PIGS: variants seen among roughly 807,000 people sequenced by gnomAD.
PIGS encodes phosphatidylinositol glycan anchor biosynthesis class S.
PIGS carries 37 observed loss-of-function variants against 58.2 expected under a neutral mutation model. The observed-to-expected ratio is 0.64, with a 90% CI of 0.49 to 0.84. The LOEUF is 0.84. PIGS is among the 40% of genes least tolerant of loss of function. The probability of loss-of-function intolerance (pLI) is 0.00; values close to 1 mark genes in which losing one functional copy is unlikely to be tolerated. For missense variants in PIGS, 629 were observed against 710.8 expected (o/e 0.88, Z 1.31); for synonymous variants, 269 against 289.2 (o/e 0.93, Z 0.71).
At chr17:28,556,522 C>G in intron 9 of PIGS, 2 of 730,434 alleles carry the variant, frequency 2.7e-6, no homozygotes, top group South Asian at 1.4e-5. Flanking sequence ...AACTTCCAGT[C>G]TAACAAGGGA....
Position 28,571,065 on chromosome 17 carries a change from C to A in PIGS, c.158G>T (p.Gly53Val). Residue 53 changes from glycine (G) to valine (V), a missense_variant, in exon 2 of 12, where the codon GGC becomes GTC. Coordinates refer to ENST00000308360, the MANE Select transcript of PIGS (RefSeq NM_033198.4). ...CAGTCTCACCTGAAGGGCATTCAGG[C>A]CACTGATCTGGGAGTAAGGCAACGA... ...RASLPYSQIS[G>V]LNALQLRLMV... The A allele has an allele frequency of 1.2e-6, 2 of 1,614,154 alleles. No individual in the cohort carries two copies. Among genetic ancestry groups the A allele is most frequent in the Non-Finnish European group, 1.7e-6 (2 of 1,180,024 alleles).
At chr17:28,563,386 G>C (rs566605737) in intron 5 of PIGS, 45 bp downstream of exon 5, 17 of 1,488,412 alleles carry the variant, frequency 1.1e-5, no homozygotes, top group Admixed American at 1.7e-5. Context: ...AGGAGTCCAC[G>C]AGCTGAAGGG....
chr17:28,559,074 G>C (rs1304657704), intron 7 of PIGS, among the ~76,000 whole-genome samples: 1 of 152,032 alleles, frequency 6.6e-6, no homozygotes, highest in East Asian at 2.0e-4. Context: ...CCACCTCCCG[G>C]GTTCAAGCAA....
At chr17:28,563,764 C>T (rs1219635529) in intron 4 of PIGS, 54 bp downstream of exon 4, 6 of 1,530,808 alleles carry the variant, frequency 3.9e-6, no homozygotes, top group Non-Finnish European at 5.4e-6. Context: ...ACTTAGAGAT[C>T]AGAAGGAAAA....
chr17:28,556,916 G>T lies in PIGS; in HGVS notation c.991C>A (p.Leu331Ile). 1 of 1,614,168 alleles carries T rather than the reference G, an allele frequency of 6.2e-7. No homozygotes were observed. The highest frequency in any genetic ancestry group is 8.5e-7 in the Non-Finnish European group (1 of 1,180,016). The change falls in exon 9 of 12, where the codon CTT (leucine) becomes ATT (isoleucine). Residue 331 changes from leucine (L) to isoleucine (I), a missense_variant. Leu to Ile is a conservative substitution (Grantham distance 5, BLOSUM62 2). Transcript: ENST00000308360. ...VLNFLLYVPE[L>I]AHSPLYIQDK... ...TGAATGTACAGCGGTGAGTGTGCAA[G>T]CTCAGGCACGTAGAGTAGAAAGTTG...
chr17:28,563,932 A>G (rs3764865), intron 3 of PIGS, 25 bp from the exon 4 acceptor site: 16,018 of 1,590,688 alleles, frequency 0.01, 228 homozygotes, highest in South Asian at 0.043. Context: ...AAGTAGCACA[A>G]TGAAAAGGGC....
chr17:28,569,499 A>G (rs907585745), intron 3 of PIGS, among the ~76,000 whole-genome samples: 1 of 151,884 alleles, frequency 6.6e-6, no homozygotes, highest in Admixed American at 6.6e-5. Flanking sequence ...AAAAGAAAAG[A>G]AAAGTTTTCA....
intron 11 of PIGS, 48 bp downstream of exon 11, chr17:28,554,803 C>G: frequency 6.2e-7 from 1 of 1,604,776 alleles, no homozygotes; most frequent in Non-Finnish European, 8.5e-7. Context: ...CTGGCCCTCT[C>G]TGGCTACTCC....
At chr17:28,564,977 T>G (rs951063218) in intron 3 of PIGS, among the ~76,000 whole-genome samples, 2 of 152,248 alleles carry the variant, frequency 1.3e-5, no homozygotes, top group Non-Finnish European at 1.5e-5. Flanking sequence ...ATCTCCTCTA[T>G]TCTCATTGTT....
chr17:28,554,135 C>T lies in PIGS; in HGVS notation c.*85G>A, dbSNP rs940442438. ...CTGGAGACAAATATTTAAGTCATTC[C>T]GGCAGGCCCCATGTACGTGCCTCAC... On this transcript the variant is annotated 3_prime_UTR_variant, in exon 12 of 12. Transcript: ENST00000308360. 25 of 1,512,196 alleles carry T rather than the reference C, an allele frequency of 1.7e-5. No individual in the cohort carries two copies. The Admixed American group carries it at 2.3e-4, about 14-fold the overall frequency. 93.7% of individuals were successfully genotyped at this position (1,512,196 alleles called of 1,614,324 possible). A position where few individuals can be genotyped will look rare whatever the true frequency, so the allele number is the denominator to read the frequency against.
intron 3 of PIGS, among the ~76,000 whole-genome samples, chr17:28,570,064 C>T (rs1342467458): frequency 6.6e-6 from 1 of 152,204 alleles, no homozygotes; most frequent in African/African-American, 2.4e-5. Flanking sequence ...ATACTCTTTA[C>T]TAAGTGCAAT....
chr17:28,571,524 T>TG (rs775111302), upstream of PIGS: 164 of 1,590,602 alleles, frequency 1.0e-4, no homozygotes, highest in Admixed American at 1.6e-3. Context: ...CCGGCCACCG[T>TG]GGGGGCAGAG....
intron 3 of PIGS, among the ~76,000 whole-genome samples, chr17:28,569,980 C>T (rs1371489713): frequency 6.6e-6 from 1 of 152,196 alleles, no homozygotes; most frequent in Non-Finnish European, 1.5e-5. Flanking sequence ...AATTCCTACA[C>T]ATCCTTTAAA....
At chr17:28,558,795 C>T (rs1019435498) in intron 7 of PIGS, among the ~76,000 whole-genome samples, 5 of 152,092 alleles carry the variant, frequency 3.3e-5, no homozygotes, top group African/African-American at 4.8e-5. Context: ...TTAAAAATCA[C>T]GTATTTTACC....
At chr17:28,561,791 G>A (rs949540821) in intron 5 of PIGS, 162 bp from the exon 6 acceptor site, 1 of 656,724 alleles carries the variant, frequency 1.5e-6, no homozygotes, top group Non-Finnish European at 2.6e-6. Context: ...TGAGCTATGA[G>A]TATATATTGA....
Position 28,571,491 on chromosome 17 carries a change from C to T in PIGS, c.6G>A (p.Ala2=). M[A]AAGAAATHLE... ...GGTGTGTAGCCGCAGCCCCGGCGGC[C>T]GCCATGCTAGCTTCCGGCTGCTCCG... The change falls in exon 1 of 12, where the codon GCG becomes GCA. Residue 2 remains alanine, a synonymous_variant. Transcript: ENST00000308360. The T allele has an allele frequency of 4.4e-6, 7 of 1,607,854 alleles. No homozygotes were observed. The highest frequency in any genetic ancestry group is 5.9e-6 in the Non-Finnish European group (7 of 1,177,464).
intron 3 of PIGS, among the ~76,000 whole-genome samples, chr17:28,567,677 A>G (rs1371760659): frequency 3.3e-5 from 5 of 152,204 alleles, no homozygotes. Flanking sequence ...AAAACCTTCA[A>G]TGGCTTCCCT....
Position 28,561,586 on chromosome 17 carries a change from C to T in PIGS, c.512G>A (p.Arg171Gln), listed in dbSNP as rs770297883. 1.2e-5 allele frequency: 19 copies of T among 1,613,450 alleles called. No individual in the cohort carries two copies. The highest frequency in any genetic ancestry group is 9.3e-5 in the African/African-American group (7 of 74,920). Reference protein sequence around the residue: ...YIGPKRTAVVRGIMHREAFNI... With the variant: ...YIGPKRTAVVQGIMHREAFNI... Reference sequence around the variant, plus strand: ...AAAGGCCTCCCGGTGCATTATCCCCCGCACCACTGCTGTCCTCTTGGGCCC... The same window carrying T: ...AAAGGCCTCCCGGTGCATTATCCCCTGCACCACTGCTGTCCTCTTGGGCCC... The change falls in exon 6 of 12, where the codon CGG (arginine) becomes CAG (glutamine). Residue 171 changes from arginine (R) to glutamine (Q), a missense_variant. Transcript: ENST00000308360.
intron 6 of PIGS, among the ~76,000 whole-genome samples, chr17:28,561,150 T>C (rs932182012): frequency 3.3e-5 from 5 of 151,808 alleles, no homozygotes; most frequent in Non-Finnish European, 7.4e-5. Context: ...CCCAGCTACT[T>C]GGGAGGCTGA....
Sources: allele counts gnomAD v4.1 joint callset (sites outside exome capture counted in the v4.1 genomes callset), GRCh38; gene constraint gnomAD v4.1.1; transcripts MANE v1.5; gene names NCBI Gene and HGNC (gene_info 2026-07-23, HGNC 2026-07-21).